Variants in RBM8A observed in about 807,000 individuals in gnomAD.
RBM8A encodes the protein RNA-binding protein 8A.
RBM8A carries 8 observed loss-of-function variants against 25.1 expected under a neutral mutation model. The observed-to-expected ratio is 0.32, with a 90% CI of 0.19 to 0.58. The LOEUF (loss-of-function observed/expected upper bound fraction) is 0.58. Ranked by LOEUF, RBM8A falls within the 20% of genes least tolerant of loss-of-function variation. RBM8A has a pLI of 0.88. For synonymous variants in RBM8A, 66 were observed against 80.0 expected (o/e 0.82, Z 0.94); for missense variants, 114 against 236.8 (o/e 0.48, Z 3.40).
chr1:145,924,436 A>G lies in RBM8A; in HGVS notation c.*1446T>C, dbSNP rs1245692741. Reference sequence around the variant, plus strand: ...TGCCTCTAGCATCATTTATTTATCTACCTACCTAATAGCTATCTACCAGTC... The same window carrying G: ...TGCCTCTAGCATCATTTATTTATCTGCCTACCTAATAGCTATCTACCAGTC... On this transcript the variant is annotated 3_prime_UTR_variant, in exon 6 of 6. Coordinates refer to ENST00000583313, the MANE Select transcript of RBM8A (RefSeq NM_005105.5). 2.2e-6 allele frequency: 1 copy of G among 452,496 alleles called. No homozygotes were observed. Among genetic ancestry groups the G allele is most frequent in the African/African-American group, 2.0e-5 (1 of 49,530 alleles). 28.0% of individuals were successfully genotyped at this position (452,496 alleles called of 1,614,324 possible).
chr1:145,923,631 G>C lies in RBM8A; in HGVS notation c.*2251C>G, dbSNP rs587705038. ...GAAAACCCAGCAATTTAACAAAAAG[G>C]GGGAGGGGCAGCCCAATAGCATTTG... On this transcript the variant is annotated 3_prime_UTR_variant, in exon 6 of 6. Transcript: ENST00000583313. 136 of 324,080 alleles carry C rather than the reference G, an allele frequency of 4.2e-4. No individual in the cohort carries two copies. The highest frequency in any genetic ancestry group is 2.7e-3 in the African/African-American group (126 of 47,200). 20.1% of individuals were successfully genotyped at this position (324,080 alleles called of 1,614,324 possible). A position where few individuals can be genotyped will look rare whatever the true frequency, so the allele number is the denominator to read the frequency against.
At chr1:145,927,171 C>T in intron 1 of RBM8A, 94 bp from the exon 2 acceptor site, 2 of 1,529,692 alleles carry the variant, frequency 1.3e-6, no homozygotes, top group Non-Finnish European at 1.8e-6. Context: ...CCGACCCACA[C>T]CGCCTCCAGT....
At chr1:145,927,124 G>GT (rs1648204030) in intron 1 of RBM8A, 47 bp from the exon 2 acceptor site, 1 of 1,598,330 alleles carries the variant, frequency 6.3e-7, no homozygotes, top group Non-Finnish European at 8.6e-7. Flanking sequence ...ACAGTCATTT[G>GT]TAACAATCGT....
Position 145,923,137 on chromosome 1 carries a change from G to A in RBM8A, c.*2745C>T, listed in dbSNP as rs1201063172. On this transcript the variant is annotated 3_prime_UTR_variant, in exon 6 of 6. Coordinates refer to ENST00000583313, the MANE Select transcript of RBM8A (RefSeq NM_005105.5). ...GTACAGACAGGGTTTCACTGTGTTA[G>A]CCAGGATGGTCTCCATCTCCTAACC... 1 of 152,074 alleles carries A rather than the reference G, an allele frequency of 6.6e-6. No homozygotes were observed. Among genetic ancestry groups the A allele is most frequent in the Admixed American group, 6.6e-5 (1 of 15,238 alleles). The allele number at this position is 152,074 out of a possible 1,614,324, so 9.4% of individuals were successfully genotyped here.
chr1:145,927,160 G>C, intron 1 of RBM8A, 83 bp from the exon 2 acceptor site: 1 of 1,554,720 alleles, frequency 6.4e-7, no homozygotes, highest in Non-Finnish European at 8.8e-7. Context: ...CTACCAGCAA[G>C]CCGACCCACA....
At chr1:145,925,966 G>A (rs1161912729) in intron 5 of RBM8A, 39 bp from the exon 6 acceptor site, 4 of 1,614,166 alleles carry the variant, frequency 2.5e-6, no homozygotes, top group Admixed American at 1.7e-5. Flanking sequence ...CCATTAGAGG[G>A]ACATAATACT....
chr1:145,925,829 G>A lies in RBM8A; in HGVS notation c.*53C>T. On this transcript the variant is annotated 3_prime_UTR_variant, in exon 6 of 6. Coordinates refer to ENST00000583313, the MANE Select transcript of RBM8A (RefSeq NM_005105.5). ...TCCACCCCAGTCCTATTTGTCCAAG[G>A]CTGCATGGTCAAATGGAATCTTGAA... is the stretch of plus-strand genomic sequence containing the variant. 5.8e-6 allele frequency: 9 copies of A among 1,554,500 alleles called. No individual in the cohort carries two copies. The highest frequency in any genetic ancestry group is 7.1e-6 in the Non-Finnish European group (8 of 1,127,896).
At position 145,926,149 on chromosome 1, in the gene RBM8A, T is replaced by C; in HGVS notation, c.371A>G (p.Tyr124Cys). 6.2e-7 allele frequency: 1 copy of C among 1,613,974 alleles called. No homozygotes were observed. Among genetic ancestry groups the C allele is most frequent in the East Asian group, 2.2e-5 (1 of 44,882 alleles). Residue 124 changes from tyrosine to cysteine, a missense_variant, in exon 5 of 6, where the codon TAC (tyrosine) becomes TGC (cysteine). Tyr to Cys is a radical substitution (Grantham distance 194, BLOSUM62 -2). Around this residue, in one of 2 missense-constraint regions of RBM8A, gnomAD observed 102 missense variants for 182.7 expected, o/e 0.56. Transcript: ENST00000583313. The stretch of plus-strand genomic sequence containing the variant: ...CTCCATAGCAGCCTGGGCTTCCTTG[T>C]ATGTTTCATATTCAACTAGAGTATA... ...KGYTLVEYET[Y>C]KEAQAAMEGL...
chr1:145,925,964 G>A (rs1553755788), intron 5 of RBM8A, 37 bp from the exon 6 acceptor site: 4 of 1,614,110 alleles, frequency 2.5e-6, no homozygotes, highest in African/African-American at 1.3e-5. Context: ...GTCCATTAGA[G>A]GGACATAATA....
intron 1 of RBM8A, 51 bp downstream of exon 1, chr1:145,927,309 C>A: frequency 6.3e-7 from 1 of 1,581,010 alleles, no homozygotes. Flanking sequence ...CCTATTATAG[C>A]CTTCTCTCGC....
rs1284653810 is a variant in RBM8A, at chr1:145,924,095, T to C, written c.*1787A>G. On this transcript the variant is annotated 3_prime_UTR_variant, in exon 6 of 6. Coordinates refer to ENST00000583313, the MANE Select transcript of RBM8A (RefSeq NM_005105.5). The stretch of plus-strand genomic sequence containing the variant: ...TGAATTGGGAGGAGACAGTATGACA[T>C]AGGTGGGTAGGTTGGGTGGTGAGGG... 7.0e-6 allele frequency: 5 copies of C among 713,150 alleles called. No homozygotes were observed. Among genetic ancestry groups the C allele is most frequent in the Admixed American group, 4.0e-5 (2 of 49,904 alleles). 44.2% of individuals were successfully genotyped at this position (713,150 alleles called of 1,614,324 possible).
chr1:145,924,110 G>T lies in RBM8A; in HGVS notation c.*1772C>A, dbSNP rs781850676. On this transcript the variant is annotated 3_prime_UTR_variant, in exon 6 of 6. Coordinates refer to ENST00000583313, the MANE Select transcript of RBM8A (RefSeq NM_005105.5). Reference sequence around the variant, plus strand: ...CAGTATGACATAGGTGGGTAGGTTGGGTGGTGAGGGGAACCAGTTCTAATA... The same window carrying T: ...CAGTATGACATAGGTGGGTAGGTTGTGTGGTGAGGGGAACCAGTTCTAATA... 5.6e-6 allele frequency: 4 copies of T among 713,136 alleles called. No individual in the cohort carries two copies. In the South Asian group the frequency reaches 6.0e-5, roughly 11 times the overall value. 44.2% of individuals were successfully genotyped at this position (713,136 alleles called of 1,614,324 possible).
In RBM8A at chr1:145,921,791, G is replaced by C. The variant is rs1343579104; in HGVS notation, c.*4091C>G. 1 of 154,862 alleles carries C rather than the reference G, an allele frequency of 6.5e-6. No homozygotes were observed. The highest frequency in any genetic ancestry group is 1.4e-5 in the Non-Finnish European group (1 of 69,030). 9.6% of individuals were successfully genotyped at this position (154,862 alleles called of 1,614,324 possible). On this transcript the variant is annotated 3_prime_UTR_variant, in exon 6 of 6. Transcript: ENST00000583313. ...CAGCATCTCTGAGACTGTAGGATTA[G>C]AATTATGTCAGAAGGAGGCCAAGAA...
chr1:145,926,116 T>C lies in RBM8A; in HGVS notation c.404A>G (p.Asn135Ser), dbSNP rs144062976. 56 of 1,614,086 alleles carry C rather than the reference T, an allele frequency of 3.5e-5. No homozygotes were observed. Among genetic ancestry groups the C allele is most frequent in the Non-Finnish European group, 4.4e-5 (52 of 1,180,040 alleles). Residue 135 changes from asparagine to serine, a missense_variant, in exon 5 of 6, where the codon AAT becomes AGT. By Grantham distance (46) the Asn-to-Ser change is conservative (BLOSUM62 1). This residue lies in a region of RBM8A where 102 missense variants were observed against 182.7 expected (regional missense o/e 0.56). Coordinates refer to ENST00000583313, the MANE Select transcript of RBM8A (RefSeq NM_005105.5). Reference sequence around the variant, plus strand: ...GGGCTGTCCCATCAAATCCTGGCCATTGAGTCCCTCCATAGCAGCCTGGGC... The same window carrying C: ...GGGCTGTCCCATCAAATCCTGGCCACTGAGTCCCTCCATAGCAGCCTGGGC... ...KEAQAAMEGL[N>S]GQDLMGQPIS...
Position 145,926,472 on chromosome 1 carries a change from C to T in RBM8A, c.342+10G>A. 1 of 1,613,776 alleles carries T rather than the reference C, an allele frequency of 6.2e-7. No homozygotes were observed. Among genetic ancestry groups the T allele is most frequent in the Non-Finnish European group, 8.5e-7 (1 of 1,179,814 alleles). On this transcript the variant is annotated intron_variant, in intron 4 of 5. Transcript: ENST00000583313. Reference sequence around the variant, plus strand: ...AAAGAAAGGAGGCAATAAAGTGTCACTTAGGATACCTTCAGATATCCTGTT... The same window carrying T: ...AAAGAAAGGAGGCAATAAAGTGTCATTTAGGATACCTTCAGATATCCTGTT...
At position 145,923,785 on chromosome 1, in the gene RBM8A, C is replaced by A; in HGVS notation, c.*2097G>T. The A allele has an allele frequency of 1.9e-6, 1 of 525,138 alleles. No homozygotes were observed. The highest frequency in any genetic ancestry group is 3.5e-5 in the South Asian group (1 of 28,912). The allele number at this position is 525,138 out of a possible 1,614,324, so 32.5% of individuals were successfully genotyped here. ...GAATTTTGGCAGCACCCATTTTACA[C>A]AATATTTCTTTTTCCACAAAATAAC... is the stretch of plus-strand genomic sequence containing the variant. On this transcript the variant is annotated 3_prime_UTR_variant, in exon 6 of 6. Transcript: ENST00000583313.
chr1:145,927,073 G>A lies in RBM8A; in HGVS notation c.72C>T (p.Ser24=). The A allele has an allele frequency of 1.9e-6, 3 of 1,613,690 alleles. No individual in the cohort carries two copies. The highest frequency in any genetic ancestry group is 2.2e-5 in the South Asian group (2 of 91,076). Reference sequence around the variant, plus strand: ...TCGCTTTTTCTTTCAGTTTGTGAATGCTCTCTGGAACCCCAGAAGATAAAA... The same window carrying A: ...TCGCTTTTTCTTTCAGTTTGTGAATACTCTCTGGAACCCCAGAAGATAAAA... ...DFAMDEDGDE[S]IHKLKEKAKK... is the part of the protein sequence containing the mutation. The change falls in exon 2 of 6, where the codon AGC becomes AGT. Residue 24 remains serine, a synonymous_variant. Coordinates refer to ENST00000583313, the MANE Select transcript of RBM8A (RefSeq NM_005105.5).
In RBM8A at chr1:145,927,323, T is replaced by C. The variant is rs782688093; in HGVS notation, c.67+37A>G. 6 of 1,600,806 alleles carry C rather than the reference T, an allele frequency of 3.7e-6. No individual in the cohort carries two copies. In the East Asian group the frequency reaches 9.0e-5, roughly 24 times the overall value. ...TCCTATTATAGCCTTCTCTCGCACC[T>C]TCCCCGCTTCCCACCAGCCGTCTCC... On this transcript the variant is annotated intron_variant, in intron 1 of 5. Coordinates refer to ENST00000583313, the MANE Select transcript of RBM8A (RefSeq NM_005105.5).
Position 145,925,943 on chromosome 1 carries a change from C to G in RBM8A, c.480-16G>C, listed in dbSNP as rs1430872110. 9 of 1,614,084 alleles carry G rather than the reference C, an allele frequency of 5.6e-6. No homozygotes were observed. The highest frequency in any genetic ancestry group is 4.2e-6 in the Non-Finnish European group (5 of 1,180,050). On this transcript the variant is annotated splice_polypyrimidine_tract_variant and intron_variant, in intron 5 of 5. Coordinates refer to ENST00000583313, the MANE Select transcript of RBM8A (RefSeq NM_005105.5). ...TCGGCCACCTCTAGGGAAAAAGAAG[C>G]AGGGAGAGGAGTCCATTAGAGGGAC... is the stretch of plus-strand genomic sequence containing the variant.
Sources: gnomAD v4.1 joint callset for allele counts on GRCh38, gnomAD v4.1.1 for gene constraint, gnomAD v4.1.1 regional missense constraint, MANE v1.5 for transcripts, NCBI Gene and HGNC (gene_info 2026-07-23, HGNC 2026-07-21) for gene names.